The following ZNF804A variants were observed in gnomAD, a reference collection of about 807,000 sequenced individuals.
The protein encoded by ZNF804A is zinc finger protein 804A.
In ZNF804A, 2 loss-of-function variants were observed where a neutral mutation model predicts 16.5. The observed-to-expected ratio is 0.12, with a 90% CI of 0.05 to 0.38. The LOEUF (loss-of-function observed/expected upper bound fraction) is 0.38, where lower values mean the gene tolerates loss of function less well. Among genes scored for constraint, ZNF804A ranks in the 10% least tolerant of loss-of-function variants. The pLI, the probability that ZNF804A is intolerant of heterozygous loss-of-function variation, is 0.99. For missense variants in ZNF804A, 1,473 were observed against 1,390.7 expected (o/e 1.06, Z -0.94); for synonymous variants, 534 against 489.6 (o/e 1.09, Z -1.20).
intron 2 of ZNF804A, among the ~76,000 whole-genome samples, chr2:184,903,195 T>G (rs1685214413): frequency 6.6e-6 from 1 of 152,158 alleles, no homozygotes; most frequent in Non-Finnish European, 1.5e-5. Flanking sequence ...CTGTGTGTGA[T>G]TCAATGCTCA....
intron 1 of ZNF804A, among the ~76,000 whole-genome samples, chr2:184,726,553 G>A (rs985426551): frequency 3.3e-5 from 5 of 151,384 alleles, no homozygotes; most frequent in Non-Finnish European, 7.4e-5. Context: ...AATTTTGGAC[G>A]AGAGTTAAGA....
chr2:184,762,215 T>TC (rs1694046467), intron 1 of ZNF804A, among the ~76,000 whole-genome samples: 2 of 150,908 alleles, frequency 1.3e-5, no homozygotes, highest in South Asian at 4.1e-4. Flanking sequence ...TCTTTTCTTT[T>TC]TTTTTTTTGC....
intron 1 of ZNF804A, among the ~76,000 whole-genome samples, chr2:184,827,273 A>G (rs988377715): frequency 6.6e-6 from 1 of 151,142 alleles, no homozygotes; most frequent in Admixed American, 6.6e-5. Context: ...GATATTATAT[A>G]ACATTAAATG....
chr2:184,682,050 T>C (rs1435734663), intron 1 of ZNF804A, among the ~76,000 whole-genome samples: 3 of 152,268 alleles, frequency 2.0e-5, no homozygotes, highest in East Asian at 1.9e-4. Flanking sequence ...CTCTGAAACT[T>C]TGGGCACCAA....
chr2:184,905,877 AT>A (rs1189061278), intron 2 of ZNF804A, among the ~76,000 whole-genome samples: 1 of 152,146 alleles, frequency 6.6e-6, no homozygotes, highest in African/African-American at 2.4e-5. Flanking sequence ...ACCAAGGCTC[AT>A]TCATCATTTG....
At chr2:184,915,947 G>A (rs893573166) in intron 2 of ZNF804A, among the ~76,000 whole-genome samples, 12 of 152,130 alleles carry the variant, frequency 7.9e-5, no homozygotes, top group African/African-American at 2.7e-4. Context: ...ACACATTAAT[G>A]TGTGATACCA....
chr2:184,718,221 T>C (rs1343229045), intron 1 of ZNF804A, among the ~76,000 whole-genome samples: 1 of 146,594 alleles, frequency 6.8e-6, no homozygotes, highest in Non-Finnish European at 1.5e-5. Context: ...TGAGACTCAT[T>C]CACTGTCAGA....
intron 2 of ZNF804A, among the ~76,000 whole-genome samples, chr2:184,892,666 A>G (rs1252197633): frequency 6.6e-6 from 1 of 151,632 alleles, no homozygotes; most frequent in Non-Finnish European, 1.5e-5. Flanking sequence ...GTATTTTTAC[A>G]ATATACAGGG....
At chr2:184,914,581 C>T (rs1335802730) in intron 2 of ZNF804A, among the ~76,000 whole-genome samples, 2 of 152,076 alleles carry the variant, frequency 1.3e-5, no homozygotes, top group East Asian at 3.9e-4. Flanking sequence ...TATTCTGTGT[C>T]TAAGAGTTGG....
chr2:184,635,594 G>C (rs192197334), intron 1 of ZNF804A, among the ~76,000 whole-genome samples: 2 of 151,878 alleles, frequency 1.3e-5, no homozygotes, highest in South Asian at 2.1e-4. Flanking sequence ...AAGCTCAATG[G>C]GGATTGATTA....
chr2:184,766,865 T>G (rs1414448954), intron 1 of ZNF804A, among the ~76,000 whole-genome samples: 3 of 152,050 alleles, frequency 2.0e-5, no homozygotes, highest in Non-Finnish European at 4.4e-5. Flanking sequence ...AATCCTAACC[T>G]CCAATGGTAC....
intron 1 of ZNF804A, among the ~76,000 whole-genome samples, chr2:184,709,082 C>T (rs1693082703): frequency 6.6e-6 from 1 of 152,086 alleles, no homozygotes; most frequent in Non-Finnish European, 1.5e-5. Context: ...AGTGATTCTA[C>T]CTTCTTGAGG....
At chr2:184,736,474 A>G (rs1458369621) in intron 1 of ZNF804A, among the ~76,000 whole-genome samples, 2 of 152,172 alleles carry the variant, frequency 1.3e-5, no homozygotes, top group African/African-American at 2.4e-5. Flanking sequence ...GCTGGAAATC[A>G]TCATCCTCAG....
chr2:184,923,805 A>T (rs1685569006), intron 2 of ZNF804A, among the ~76,000 whole-genome samples: 1 of 151,968 alleles, frequency 6.6e-6, no homozygotes, highest in Non-Finnish European at 1.5e-5. Context: ...CATTTGAAAC[A>T]ATTATATGGT....
intron 1 of ZNF804A, among the ~76,000 whole-genome samples, chr2:184,852,314 A>G (rs970560098): frequency 6.6e-5 from 10 of 150,400 alleles, no homozygotes; most frequent in African/African-American, 2.2e-4. Flanking sequence ...TGGATGGTTG[A>G]CCATCAGTAA....
intron 1 of ZNF804A, among the ~76,000 whole-genome samples, chr2:184,855,732 G>A (rs193079388): frequency 3.3e-5 from 5 of 151,932 alleles, no homozygotes; most frequent in East Asian, 1.9e-4. Context: ...CATGATGGAC[G>A]CCATATATTC....
intron 1 of ZNF804A, among the ~76,000 whole-genome samples, chr2:184,810,265 G>A (rs1009533053): frequency 6.6e-6 from 1 of 152,056 alleles, no homozygotes; most frequent in East Asian, 1.9e-4. Context: ...ATTTGCCAAC[G>A]CCTGCTATAG....
chr2:184,713,953 A>C (rs1559133056), intron 1 of ZNF804A, among the ~76,000 whole-genome samples: 1 of 152,010 alleles, frequency 6.6e-6, no homozygotes, highest in Admixed American at 6.6e-5. Flanking sequence ...GATCTTTTTA[A>C]GCAACATGAA....
chr2:184,845,037 T>A (rs1695492285), intron 1 of ZNF804A, among the ~76,000 whole-genome samples: 1 of 152,022 alleles, frequency 6.6e-6, no homozygotes, highest in Non-Finnish European at 1.5e-5. Flanking sequence ...TAAGGTATAT[T>A]TAATTTCTAA....
Sources: allele counts gnomAD v4.1 joint callset (sites outside exome capture counted in the v4.1 genomes callset), GRCh38; gene constraint gnomAD v4.1.1; transcripts MANE v1.5; gene names NCBI Gene and HGNC (gene_info 2026-07-23, HGNC 2026-07-21).